Variants in CREB5 observed in about 807,000 individuals in gnomAD.
CREB5 encodes the protein cyclic AMP-responsive element-binding protein 5.
Under a neutral mutation model 57.1 loss-of-function variants are expected in CREB5, and 19 were observed. The ratio of observed to expected loss-of-function variants is 0.33; its 90% CI spans 0.23 to 0.49. The LOEUF (loss-of-function observed/expected upper bound fraction) is 0.49. Ranked by LOEUF, CREB5 falls within the 20% of genes least tolerant of loss-of-function variation. The pLI is 0.99. For synonymous variants in CREB5, 238 were observed against 238.3 expected (o/e 1.00, Z 0.01); for missense variants, 579 against 671.6 (o/e 0.86, Z 1.52).
chr7:28,570,757 C>A (rs886119372), intron 5 of CREB5, among the ~76,000 whole-genome samples: 3 of 152,006 alleles, frequency 2.0e-5, no homozygotes, highest in Non-Finnish European at 2.9e-5. Flanking sequence ...GGGTGGGGAG[C>A]AAGTCATTCT....
intron 3 of CREB5, among the ~76,000 whole-genome samples, chr7:28,496,798 GTTTT>G (rs10542662): frequency 5.4e-5 from 8 of 148,388 alleles, no homozygotes; most frequent in Middle Eastern, 3.5e-3. Flanking sequence ...GTTTGTTATT[GTTTT>G]TTTTTTTTTA....
intron 5 of CREB5, among the ~76,000 whole-genome samples, chr7:28,683,388 C>T (rs1583540049): frequency 6.6e-6 from 1 of 152,138 alleles, no homozygotes; most frequent in African/African-American, 2.4e-5. Flanking sequence ...ATGTCCCGAA[C>T]AACAAGTGCA....
intron 1 of CREB5, among the ~76,000 whole-genome samples, chr7:28,417,213 A>C (rs1788062838): frequency 6.6e-6 from 1 of 152,228 alleles, no homozygotes. Context: ...TAGTAGCCAC[A>C]TTAAAAAGGT....
chr7:28,719,612 T>TA (rs1460639137), intron 6 of CREB5, among the ~76,000 whole-genome samples: 1 of 152,202 alleles, frequency 6.6e-6, no homozygotes, highest in Non-Finnish European at 1.5e-5. Flanking sequence ...ACACTGTTTT[T>TA]ATACCTATTT....
chr7:28,548,584 T>C (rs1794504710), intron 4 of CREB5, among the ~76,000 whole-genome samples: 2 of 152,192 alleles, frequency 1.3e-5, no homozygotes, highest in Admixed American at 6.5e-5. Flanking sequence ...CTAGGTCTTA[T>C]ATGTGTTGGG....
intron 5 of CREB5, among the ~76,000 whole-genome samples, chr7:28,692,391 G>A (rs1435196041): frequency 6.6e-6 from 1 of 152,202 alleles, no homozygotes; most frequent in Non-Finnish European, 1.5e-5. Context: ...GAGGTCGGGA[G>A]TTCAAGACCA....
chr7:28,396,112 G>A (rs750567356), intron 1 of CREB5, among the ~76,000 whole-genome samples: 11 of 152,126 alleles, frequency 7.2e-5, no homozygotes, highest in Non-Finnish European at 1.6e-4. Flanking sequence ...TTCTTTCTTT[G>A]TAGCCATACA....
chr7:28,465,755 A>G (rs17156744), intron 1 of CREB5, among the ~76,000 whole-genome samples: 10,876 of 152,300 alleles, frequency 0.071, 662 homozygotes, highest in East Asian at 0.19. Context: ...TTAAAACTCT[A>G]CAAAGGTTAA....
At chr7:28,440,262 C>T (rs536322943) in intron 1 of CREB5, among the ~76,000 whole-genome samples, 4 of 152,128 alleles carry the variant, frequency 2.6e-5, no homozygotes, top group South Asian at 2.1e-4. Context: ...TGAGGACTCA[C>T]CATCTGCTTA....
chr7:28,378,127 G>A (rs28421161), intron 1 of CREB5, among the ~76,000 whole-genome samples: 6,331 of 152,026 alleles, frequency 0.042, 439 homozygotes, highest in African/African-American at 0.14. Flanking sequence ...GTCATAGATG[G>A]GCTCCAGGTT....
intron 5 of CREB5, among the ~76,000 whole-genome samples, chr7:28,589,016 G>A (rs980547083): frequency 3.9e-5 from 6 of 152,148 alleles, no homozygotes; most frequent in African/African-American, 1.4e-4. Flanking sequence ...GCTTAGAAAT[G>A]TAAGACTCAC....
intron 5 of CREB5, among the ~76,000 whole-genome samples, chr7:28,621,200 G>A (rs996620283): frequency 1.3e-5 from 2 of 151,656 alleles, no homozygotes; most frequent in Non-Finnish European, 1.5e-5. Flanking sequence ...GTTGGGGGGT[G>A]GGGGTCACAG....
rs199561235 is a variant in CREB5, at chr7:28,306,541, G to GTTTTTT, written c.-25+7104_-25+7105insTTTTTT. ...ACTGGTGCCAGTACATACAGATACA[G>GTTTTTT]TTTTGTTTTTTTTGTTTTTTTTTTT... is the stretch of plus-strand genomic sequence containing the variant. On this transcript the variant is annotated intron_variant, in intron 1 of 9. Transcript: ENST00000396299. 1.1e-3 allele frequency among the ~76,000 whole-genome samples: 51 copies of GTTTTTT among 44,438 alleles called. 1 individual carries two copies. Among genetic ancestry groups the GTTTTTT allele is most frequent in the Admixed American group, 1.4e-3 (6 of 4,242 alleles). The allele number at this position is 44,438 out of a possible 152,430, so 29.2% of individuals were successfully genotyped here. A position where few individuals can be genotyped will look rare whatever the true frequency, so the allele number is the denominator to read the frequency against.
intron 1 of CREB5, among the ~76,000 whole-genome samples, chr7:28,469,109 T>C (rs925129535): frequency 1.3e-5 from 2 of 152,142 alleles, no homozygotes; most frequent in African/African-American, 2.4e-5. Flanking sequence ...TAGTCCCAAC[T>C]ACTCAGGAGG....
At chr7:28,354,495 C>T (rs1037536154) in intron 1 of CREB5, among the ~76,000 whole-genome samples, 9 of 152,144 alleles carry the variant, frequency 5.9e-5, no homozygotes, top group South Asian at 2.1e-4. Flanking sequence ...AGCTTGCAGA[C>T]GGCGTATTGT....
In CREB5 at chr7:28,819,107, T is replaced by TC. The variant is rs1809614294; in HGVS notation, c.1364-8dup. ...TATGTGTGTGTGTTGTCTTTTTTTT[T>TC]CTCCCTAGGTCCAGAGAGTAGCCCT... On this transcript the variant is annotated splice_polypyrimidine_tract_variant and intron_variant, in intron 10 of 10. Transcript: ENST00000357727. 5.0e-6 allele frequency: 8 copies of TC among 1,609,024 alleles called. No homozygotes were observed. The East Asian group carries it at 1.6e-4, about 31-fold the overall frequency.
At chr7:28,466,033 C>G (rs566142292) in intron 1 of CREB5, among the ~76,000 whole-genome samples, 38 of 152,150 alleles carry the variant, frequency 2.5e-4, no homozygotes, top group South Asian at 6.2e-4. Context: ...AACTGAGAAG[C>G]CAGACTCAGG....
At chr7:28,792,221 T>A (rs1807756662) in intron 7 of CREB5, among the ~76,000 whole-genome samples, 1 of 152,084 alleles carries the variant, frequency 6.6e-6, no homozygotes. Context: ...TGAGACTTGC[T>A]TGAAACTGGG....
At chr7:28,759,936 T>C (rs967617927) in intron 7 of CREB5, among the ~76,000 whole-genome samples, 3 of 152,210 alleles carry the variant, frequency 2.0e-5, no homozygotes, top group African/African-American at 4.8e-5. Context: ...GTTTGACTAA[T>C]GACATGGGCA....
Sources: gnomAD v4.1 joint callset for allele counts (sites outside exome capture counted in the v4.1 genomes callset) on GRCh38, gnomAD v4.1.1 for gene constraint, MANE v1.5 for transcripts, NCBI Gene and HGNC (gene_info 2026-07-23, HGNC 2026-07-21) for gene names.